Variants in DNAH6 observed in about 807,000 individuals in gnomAD.
The protein encoded by DNAH6 is dynein axonemal heavy chain 6.
DNAH6 carries 340 observed loss-of-function variants against 491.4 expected under a neutral mutation model. The observed-to-expected ratio is 0.69, with a 90% CI of 0.63 to 0.76. DNAH6 has a LOEUF of 0.76. DNAH6 is among the 30% of genes least tolerant of loss of function. The pLI is 0.00. For synonymous variants in DNAH6, 1,603 were observed against 1,686.1 expected (o/e 0.95, Z 1.21); for missense variants, 4,443 against 4,972.2 (o/e 0.89, Z 3.20).
At chr2:84,523,651 T>C (rs1676347166) in intron 2 of DNAH6, among the ~76,000 whole-genome samples, 1 of 152,146 alleles carries the variant, frequency 6.6e-6, no homozygotes, top group Non-Finnish European at 1.5e-5. Flanking sequence ...TAGTATGTTG[T>C]ATCTTTGTTC....
intron 28 of DNAH6, 32 bp downstream of exon 28, chr2:84,624,652 C>T: frequency 6.5e-7 from 1 of 1,532,926 alleles, no homozygotes; most frequent in Non-Finnish European, 8.8e-7. Flanking sequence ...TTAATATTGA[C>T]ACAAGAGTGC....
At chr2:84,732,302 GT>G (rs1473130722) in intron 61 of DNAH6, among the ~76,000 whole-genome samples, 1 of 152,050 alleles carries the variant, frequency 6.6e-6, no homozygotes, top group Non-Finnish European at 1.5e-5. Context: ...ATACTTACTG[GT>G]TAAACGTATG....
chr2:84,594,524 G>A (rs895537075), intron 17 of DNAH6, among the ~76,000 whole-genome samples: 1 of 152,154 alleles, frequency 6.6e-6, no homozygotes, highest in Non-Finnish European at 1.5e-5. Context: ...TCCTTTGAGA[G>A]CTCAATAGTA....
chr2:84,647,211 C>T (rs1181588959), intron 33 of DNAH6, among the ~76,000 whole-genome samples: 1 of 152,138 alleles, frequency 6.6e-6, no homozygotes, highest in Non-Finnish European at 1.5e-5. Context: ...TTCTTTCCCT[C>T]GCTAGCTTCA....
At chr2:84,750,059 C>T (rs1053510042) in intron 63 of DNAH6, among the ~76,000 whole-genome samples, 5 of 152,094 alleles carry the variant, frequency 3.3e-5, no homozygotes, top group East Asian at 1.9e-4. Flanking sequence ...TTTAAACATA[C>T]GCTCACATAC....
In DNAH6 at chr2:84,624,321, C is replaced by T. The variant is rs1687656310; in HGVS notation, c.4128C>T (p.Asn1376=). ...VQGSLPKLHR[N]ILTALITIDV... is the part of the protein sequence containing the mutation. ...GCAGTCTTCCTAAATTACACAGAAA[C>T]ATCCTAACTGCATTGATTACTATTG... Residue 1376 remains asparagine (N), a synonymous_variant, in exon 27 of 77, where the codon AAC becomes AAT. Transcript: ENST00000389394. 1.3e-6 allele frequency: 2 copies of T among 1,551,256 alleles called. No individual in the cohort carries two copies. The highest frequency in any genetic ancestry group is 1.7e-6 in the Non-Finnish European group (2 of 1,146,642).
At chr2:84,675,504 T>C (rs1693154324) in intron 40 of DNAH6, among the ~76,000 whole-genome samples, 1 of 152,170 alleles carries the variant, frequency 6.6e-6, no homozygotes, top group Admixed American at 6.6e-5. Flanking sequence ...TGGCCTTGTC[T>C]TCTGCTACTA....
chr2:84,795,281 A>G (rs1559050204), intron 68 of DNAH6, among the ~76,000 whole-genome samples: 1 of 152,038 alleles, frequency 6.6e-6, no homozygotes, highest in African/African-American at 2.4e-5. Context: ...ACTAACCTGC[A>G]CATTGTGTAC....
the DNAH6 span, among the ~76,000 whole-genome samples, chr2:84,484,133 G>A: frequency 6.6e-6 from 1 of 152,116 alleles, no homozygotes. Context: ...TTTGGCTAGA[G>A]AGAGCTTGCT....
Position 84,742,444 on chromosome 2 carries a change from A to G in DNAH6, c.10343-2636A>G, listed in dbSNP as rs1360608703. Among the ~76,000 whole-genome samples, 3 of 152,276 alleles carry G rather than the reference A, an allele frequency of 2.0e-5. No individual in the cohort carries two copies. In the South Asian group the frequency reaches 6.2e-4, roughly 32 times the overall value. On this transcript the variant is annotated intron_variant, in intron 62 of 76. Transcript: ENST00000389394. Reference sequence around the variant, plus strand: ...TTTCCATTTGACAATGTCTAGAGACATTTTTGTTTGCCACAACTGGGGTGG... The same window carrying G: ...TTTCCATTTGACAATGTCTAGAGACGTTTTTGTTTGCCACAACTGGGGTGG...
chr2:84,792,464 G>A (rs12478580), intron 68 of DNAH6, among the ~76,000 whole-genome samples: 2,344 of 152,284 alleles, frequency 0.015, 45 homozygotes, highest in Admixed American at 0.044. Context: ...TGTGGAGATA[G>A]CAACATAAGT....
chr2:84,576,820 T>A (rs1417838131), intron 12 of DNAH6, among the ~76,000 whole-genome samples: 1 of 152,178 alleles, frequency 6.6e-6, no homozygotes, highest in Non-Finnish European at 1.5e-5. Context: ...GAAACAGAGA[T>A]AATTTTAGCT....
Position 84,688,454 on chromosome 2 carries a change from G to T in DNAH6, c.7153G>T (p.Ala2385Ser), listed in dbSNP as rs768716579. Residue 2385 changes from alanine (A) to serine (S), a missense_variant, in exon 45 of 77, where the codon GCT (alanine) becomes TCT (serine). Coordinates refer to ENST00000389394, the MANE Select transcript of DNAH6 (RefSeq NM_001370.2). ...GDFIKFGADK[A>S]DRIYDDMPDI... is the part of the protein sequence containing the mutation. ...TAAATTATAGTTTGGAGCAGATAAA[G>T]CTGATCGGATTTATGATGACATGCC... 9.2e-6 allele frequency: 14 copies of T among 1,528,014 alleles called. No individual in the cohort carries two copies. The highest frequency in any genetic ancestry group is 1.1e-5 in the Non-Finnish European group (12 of 1,141,404). The allele number at this position is 1,528,014 out of a possible 1,614,324, so 94.7% of individuals were successfully genotyped here.
chr2:84,812,597 C>A, intron 73 of DNAH6, 71 bp downstream of exon 73: 1 of 1,278,090 alleles, frequency 7.8e-7, no homozygotes, highest in Non-Finnish European at 1.1e-6. Context: ...CTAGGAAGCA[C>A]TGGCTAAAGA....
chr2:84,548,268 G>C lies in DNAH6; in HGVS notation c.1187-20G>C. On this transcript the variant is annotated intron_variant, in intron 7 of 76. Coordinates refer to ENST00000389394, the MANE Select transcript of DNAH6 (RefSeq NM_001370.2). ...CTTTTACACAAGTACACTTGTTGTT[G>C]TTCCTTCTGTTATTCTTAGATTATC... The C allele has an allele frequency of 6.3e-7, 1 of 1,597,180 alleles. No homozygotes were observed. The highest frequency in any genetic ancestry group is 8.5e-7 in the Non-Finnish European group (1 of 1,172,790).
At chr2:84,569,707 G>A (rs1359161753) in intron 11 of DNAH6, among the ~76,000 whole-genome samples, 1 of 152,044 alleles carries the variant, frequency 6.6e-6, no homozygotes, top group African/African-American at 2.4e-5. Context: ...TTTTTGCAGT[G>A]GTATTAGTGT....
chr2:84,578,614 G>T (rs73945122), intron 13 of DNAH6, among the ~76,000 whole-genome samples: 1,721 of 152,286 alleles, frequency 0.011, 33 homozygotes, highest in African/African-American at 0.04. Context: ...CCAATTATTT[G>T]TTTGTATGGA....
chr2:84,811,434 G>A (rs1216520512), intron 72 of DNAH6, among the ~76,000 whole-genome samples: 1 of 152,192 alleles, frequency 6.6e-6, no homozygotes, highest in Non-Finnish European at 1.5e-5. Flanking sequence ...CTCCAGCCCA[G>A]TGTCTCCCAG....
In DNAH6 at chr2:84,584,379, G is replaced by A. The variant is rs77949162; in HGVS notation, c.2481+129G>A. The A allele has an allele frequency of 1.4e-4, 136 of 942,484 alleles. 2 individuals are homozygous for A. Among genetic ancestry groups the A allele is most frequent in the East Asian group, 1.4e-3 (52 of 37,466 alleles). 58.4% of individuals were successfully genotyped at this position (942,484 alleles called of 1,614,324 possible). ...TATATAATGTGATGTTTTGATATAC[G>A]TATACATTGTGAAATTGTTAATCAA... On this transcript the variant is annotated intron_variant, in intron 15 of 76. Transcript: ENST00000389394.
Sources: allele counts gnomAD v4.1 joint callset (sites outside exome capture counted in the v4.1 genomes callset), GRCh38; gene constraint gnomAD v4.1.1; transcripts MANE v1.5; gene names NCBI Gene and HGNC (gene_info 2026-07-23, HGNC 2026-07-21).